Variants in GRAMD4 observed in about 807,000 individuals in gnomAD.
The protein encoded by GRAMD4 is GRAM domain containing 4.
GRAMD4 carries 25 observed loss-of-function variants against 83.9 expected under a neutral mutation model. The observed-to-expected ratio is 0.30, with a 90% CI of 0.22 to 0.42. The LOEUF (loss-of-function observed/expected upper bound fraction) is 0.42, where lower values mean the gene tolerates loss of function less well. Among genes scored for constraint, GRAMD4 ranks in the 10% least tolerant of loss-of-function variants. The probability of loss-of-function intolerance (pLI) is 1.00; values close to 1 mark genes in which losing one functional copy is unlikely to be tolerated. For missense variants in GRAMD4, 593 were observed against 788.7 expected (o/e 0.75, Z 2.97); for synonymous variants, 336 against 320.9 (o/e 1.05, Z -0.50).
intron 3 of GRAMD4, among the ~76,000 whole-genome samples, chr22:46,651,352 T>C (rs1190847437): frequency 6.6e-6 from 1 of 152,218 alleles, no homozygotes; most frequent in Non-Finnish European, 1.5e-5. Context: ...GAGGCGCAGC[T>C]CACTGGGCTG....
rs560000669 is a variant in GRAMD4 at position 46,604,007 on chromosome 22, G to A, written c.-49-22744G>A. Among the ~76,000 whole-genome samples the A allele has an allele frequency of 2.6e-5, 4 of 152,278 alleles. No individual in the cohort carries two copies. The South Asian group carries it at 6.2e-4, about 24-fold the overall frequency. ...CAGAGCCAGCCTTATCTTTTTCTAGGTAGCTTCCTAGATGTCCCAACGTGA... is the reference window on the plus strand; with the variant it reads ...CAGAGCCAGCCTTATCTTTTTCTAGATAGCTTCCTAGATGTCCCAACGTGA... On this transcript the variant is annotated intron_variant, in intron 1 of 1. Coordinates refer to the GRAMD4 transcript ENST00000431155.
At chr22:46,611,108 C>T (rs755045958) in intron 1 of GRAMD4, among the ~76,000 whole-genome samples, 15 of 151,448 alleles carry the variant, frequency 9.9e-5, no homozygotes, top group African/African-American at 2.2e-4. Context: ...CCCAGCTACT[C>T]GGAAGGCTGA....
At chr22:46,677,022 C>G (rs1023925883) in intron 18 of GRAMD4, 125 bp from the exon 19 acceptor site, 3 of 1,133,828 alleles carry the variant, frequency 2.6e-6, no homozygotes. Flanking sequence ...AGACACCTGT[C>G]TTTTGCACCC....
At position 46,679,255 on chromosome 22, in the gene GRAMD4, G is replaced by A. The variant is rs1487740015; in HGVS notation, c.*2004G>A. 1.5e-5 allele frequency: 15 copies of A among 985,418 alleles called. No homozygotes were observed. The highest frequency in any genetic ancestry group is 1.8e-5 in the Non-Finnish European group (15 of 829,982). 61.0% of individuals were successfully genotyped at this position (985,418 alleles called of 1,614,324 possible). On this transcript the variant is annotated 3_prime_UTR_variant, in exon 19 of 19. Transcript: ENST00000406902. ...CCAAACACAGCGGGAGGGGTCCCTG[G>A]GGCAGATGGGGCTTTACCAGCGTCG...
chr22:46,630,488 A>G (rs1003692710), intron 2 of GRAMD4, among the ~76,000 whole-genome samples: 2 of 152,064 alleles, frequency 1.3e-5, no homozygotes, highest in African/African-American at 2.4e-5. Flanking sequence ...TCCAGGATCT[A>G]CCGCATTCTC....
chr22:46,668,750 C>T lies in GRAMD4; in HGVS notation c.974+18C>T, dbSNP rs1173899672. 2 of 920,712 alleles carry T rather than the reference C, an allele frequency of 2.2e-6. No individual in the cohort carries two copies. Among genetic ancestry groups the T allele is most frequent in the African/African-American group, 1.8e-5 (1 of 55,174 alleles). 57.0% of individuals were successfully genotyped at this position (920,712 alleles called of 1,614,324 possible). A position where few individuals can be genotyped will look rare whatever the true frequency, so the allele number is the denominator to read the frequency against. ...ATCAAGAAGTAAGTCCCGCCCCCCA[C>T]CCCGGCCCTGCGGCGCCCGCCCGGC... On this transcript the variant is annotated intron_variant, in intron 12 of 18. Transcript: ENST00000406902.
At chr22:46,627,880 C>G (rs1239127865) in intron 2 of GRAMD4, among the ~76,000 whole-genome samples, 1 of 152,262 alleles carries the variant, frequency 6.6e-6, no homozygotes, top group Non-Finnish European at 1.5e-5. Context: ...CCTGGGGCAT[C>G]ACTACAGACC....
At chr22:46,627,407 G>C (rs968668179) in intron 2 of GRAMD4, among the ~76,000 whole-genome samples, 1 of 152,268 alleles carries the variant, frequency 6.6e-6, no homozygotes, top group Admixed American at 6.5e-5. Context: ...CAGCCACGCG[G>C]AATCAGGGCT....
chr22:46,626,915 A>C lies in GRAMD4; in HGVS notation c.116A>C (p.Lys39Thr). The C allele has an allele frequency of 6.2e-7, 1 of 1,614,130 alleles. No individual in the cohort carries two copies. Among genetic ancestry groups the C allele is most frequent in the Non-Finnish European group, 8.5e-7 (1 of 1,179,988 alleles). ...GAATGCAGCGACGAAATCCCCCTGA[A>C]GGTACCGCGGACCTCGCCCCGGGAC... Reference protein sequence around the residue: ...DTECSDEIPLKVPRTSPRDSE... With the variant: ...DTECSDEIPLTVPRTSPRDSE... The change falls in exon 2 of 19, where the codon AAG becomes ACG. Residue 39 changes from lysine (K) to threonine (T), a missense_variant. Around this residue, in one of 4 missense-constraint regions of GRAMD4, gnomAD observed 312 missense variants for 350.7 expected, o/e 0.89. Transcript: ENST00000406902.
intron 3 of GRAMD4, among the ~76,000 whole-genome samples, chr22:46,657,488 C>T (rs2082261162): frequency 6.6e-6 from 1 of 152,218 alleles, no homozygotes; most frequent in African/African-American, 2.4e-5. Context: ...GCTGCCTGCA[C>T]TCCCTGGCTC....
chr22:46,651,146 G>A (rs1258143620), intron 3 of GRAMD4, among the ~76,000 whole-genome samples: 1 of 152,198 alleles, frequency 6.6e-6, no homozygotes, highest in Non-Finnish European at 1.5e-5. Context: ...GCAGACCCCT[G>A]GATGAGAACT....
At chr22:46,669,742 AT>A (rs1443537333) in intron 13 of GRAMD4, among the ~76,000 whole-genome samples, 1 of 151,222 alleles carries the variant, frequency 6.6e-6, no homozygotes, top group African/African-American at 2.4e-5. Flanking sequence ...CGCCCAGCTA[AT>A]TTTTTTTGTA....
chr22:46,633,276 T>G (rs1384541653), intron 2 of GRAMD4, among the ~76,000 whole-genome samples: 2 of 152,242 alleles, frequency 1.3e-5, no homozygotes, highest in African/African-American at 4.8e-5. Flanking sequence ...GCATTGTCTG[T>G]CCTTGTCACA....
rs140762474 is a variant in GRAMD4, at chr22:46,635,759, G to A, written c.163-2081G>A. Among the ~76,000 whole-genome samples, 301 of 42,294 alleles carry A rather than the reference G, an allele frequency of 7.1e-3. 11 individuals carry two copies. The highest frequency in any genetic ancestry group is 0.031 in the Admixed American group (122 of 3,970). The allele number at this position is 42,294 out of a possible 152,430, so 27.7% of individuals were successfully genotyped here. A position where few individuals can be genotyped will look rare whatever the true frequency, so the allele number is the denominator to read the frequency against. ...GTGTCCTCCCTGCCCCCCGCCCCTG[G>A]CCACTCCTGTCCTAGGTGGCCGTGT... On this transcript the variant is annotated intron_variant, in intron 2 of 18. Coordinates refer to ENST00000406902, the MANE Select transcript of GRAMD4 (RefSeq NM_015124.5).
intron 13 of GRAMD4, among the ~76,000 whole-genome samples, chr22:46,671,431 G>A (rs1343324209): frequency 1.3e-5 from 2 of 152,062 alleles, no homozygotes; most frequent in East Asian, 1.9e-4. Flanking sequence ...CTGAGATCGC[G>A]CCACTGCACT....
At position 46,673,711 on chromosome 22, in the gene GRAMD4, G is replaced by A. The variant is rs571722030; in HGVS notation, c.1281G>A (p.Pro427=). 6.6e-5 allele frequency: 107 copies of A among 1,612,786 alleles called. No homozygotes were observed. Among genetic ancestry groups the A allele is most frequent in the Non-Finnish European group, 8.1e-5 (96 of 1,179,842 alleles). ...TSSRSYVPSA[P]AGLGKEEDAG... The stretch of plus-strand genomic sequence containing the variant: ...CACGGAGCTACGTACCCAGCGCACC[G>A]GCCGGCCTGGGTAAAGAGGAGGACG... The change falls in exon 15 of 19, where the codon CCG becomes CCA. Residue 427 remains proline, a synonymous_variant. Coordinates refer to ENST00000406902, the MANE Select transcript of GRAMD4 (RefSeq NM_015124.5).
At position 46,636,681 on chromosome 22, in the gene GRAMD4, CG is replaced by C. The variant is rs976759375; in HGVS notation, c.163-1158del. On this transcript the variant is annotated intron_variant, in intron 2 of 18. Coordinates refer to ENST00000406902, the MANE Select transcript of GRAMD4 (RefSeq NM_015124.5). ...GCTGTCCTGTGGTGGGACACTCACT[CG>C]TGTGCTGTCCCTCACCAGGTCCCTG... is the stretch of plus-strand genomic sequence containing the variant. Among the ~76,000 whole-genome samples the C allele has an allele frequency of 3.9e-5, 6 of 152,350 alleles. No homozygotes were observed. In the South Asian group the frequency reaches 1.0e-3, roughly 26 times the overall value.
intron 1 of GRAMD4, among the ~76,000 whole-genome samples, chr22:46,613,936 C>T (rs140159653): frequency 6.6e-6 from 1 of 152,360 alleles, no homozygotes; most frequent in East Asian, 1.9e-4. Flanking sequence ...GAGGCTGCTG[C>T]TGTTCACGGA....
At chr22:46,645,938 A>G (rs1483393858) in intron 3 of GRAMD4, among the ~76,000 whole-genome samples, 1 of 152,166 alleles carries the variant, frequency 6.6e-6, no homozygotes, top group Admixed American at 6.5e-5. Flanking sequence ...CCAGGGTTGT[A>G]AGGTGCACAC....
Sources: gnomAD v4.1 joint callset for allele counts (sites outside exome capture counted in the v4.1 genomes callset) on GRCh38, gnomAD v4.1.1 for gene constraint, gnomAD v4.1.1 regional missense constraint, MANE v1.5 for transcripts, NCBI Gene and HGNC (gene_info 2026-07-23, HGNC 2026-07-21) for gene names.